RAET1E: variants seen among roughly 807,000 people sequenced by gnomAD.
RAET1E encodes retinoic acid early transcript 1E.
In RAET1E, 27 loss-of-function variants were observed where a neutral mutation model predicts 21.1. The ratio of observed to expected loss-of-function variants is 1.28; its 90% CI spans 0.94 to 1.76. The LOEUF (loss-of-function observed/expected upper bound fraction) is 1.76, where lower values mean the gene tolerates loss of function less well. RAET1E is among the 40% of genes most tolerant of loss of function. The pLI, the probability that RAET1E is intolerant of heterozygous loss-of-function variation, is 0.00. For synonymous variants in RAET1E, 113 were observed against 115.0 expected, an observed-to-expected ratio of 0.98 and a Z score of 0.11; for missense variants, 310 against 311.3, an observed-to-expected ratio of 1.00 and a Z score of 0.03.
chr6:149,892,065 T>A (rs1347562811), intron 2 of RAET1E, among the ~76,000 whole-genome samples: 2 of 152,256 alleles, frequency 1.3e-5, no homozygotes, highest in Non-Finnish European at 2.9e-5. Context: ...AACTCATCCC[T>A]TTTTATGGCT....
In RAET1E at chr6:149,884,367, G is replaced by A; in HGVS notation, c.*4131C>T. 1.1e-6 allele frequency: 1 copy of A among 929,778 alleles called. No homozygotes were observed. The highest frequency in any genetic ancestry group is 1.4e-5 in the South Asian group (1 of 69,928). 57.6% of individuals were successfully genotyped at this position (929,778 alleles called of 1,614,324 possible). A position where few individuals can be genotyped will look rare whatever the true frequency, so the allele number is the denominator to read the frequency against. ...TGCCAAGACTGGAATGCAGAGGCGC[G>A]ATCTCCGCTCATTGCAGGCTCCGCC... On this transcript the variant is annotated 3_prime_UTR_variant, in exon 6 of 6. Transcript: ENST00000357183.
At chr6:149,892,672 G>A (rs1464610757) in intron 2 of RAET1E, among the ~76,000 whole-genome samples, 1 of 152,194 alleles carries the variant, frequency 6.6e-6, no homozygotes, top group Non-Finnish European at 1.5e-5. Flanking sequence ...TCACTCTGAT[G>A]ATAGTTTCTT....
chr6:149,892,597 G>A (rs1439772442), intron 2 of RAET1E, among the ~76,000 whole-genome samples: 1 of 152,060 alleles, frequency 6.6e-6, no homozygotes, highest in African/African-American at 2.4e-5. Flanking sequence ...TGTAGATTCT[G>A]GATATTAGCC....
chr6:149,889,982 G>A lies in RAET1E; in HGVS notation c.249C>T (p.Ala83=). The change falls in exon 4 of 6, where the codon GCC becomes GCT. Residue 83 remains alanine, a synonymous_variant. Coordinates refer to ENST00000357183, the MANE Select transcript of RAET1E (RefSeq NM_001394057.1). ...GGGTCAATTCTCCCCAAGTGCTGGT[G>A]GCATATACCTTCTTCCCCAGGAGGC... The part of the protein sequence containing the change: ...PLGLLGKKVY[A]TSTWGELTQT... The A allele has an allele frequency of 6.2e-7, 1 of 1,614,086 alleles. No homozygotes were observed. Among genetic ancestry groups the A allele is most frequent in the Admixed American group, 1.7e-5 (1 of 60,004 alleles).
Position 149,888,576 on chromosome 6 carries a change from T to G in RAET1E, c.714A>C (p.Leu238Phe). The G allele has an allele frequency of 2.5e-6, 4 of 1,610,040 alleles. No individual in the cohort carries two copies. The highest frequency in any genetic ancestry group is 3.4e-6 in the Non-Finnish European group (4 of 1,179,512). Residue 238 changes from leucine (L) to phenylalanine (F), a missense_variant, in exon 6 of 6, where the codon TTA becomes TTC. Transcript: ENST00000357183. Reference sequence around the variant, plus strand: ...AGACACAGATGAGAACAATTCCCATTAAAACTAACAGGATGAATGCCCCCA... The same window carrying G: ...AGACACAGATGAGAACAATTCCCATGAAAACTAACAGGATGAATGCCCCCA... ...IILGAFILLVLMGIVLICVWW... is the reference protein window; with the variant it reads ...IILGAFILLVFMGIVLICVWW...
intron 2 of RAET1E, among the ~76,000 whole-genome samples, chr6:149,892,742 G>A (rs1456458556): frequency 1.3e-5 from 2 of 152,160 alleles, no homozygotes; most frequent in Non-Finnish European, 2.9e-5. Context: ...GGCTTTTGTT[G>A]CCAGTGCTTT....
chr6:149,892,314 A>G (rs1481311069), intron 2 of RAET1E, among the ~76,000 whole-genome samples: 1 of 152,028 alleles, frequency 6.6e-6, no homozygotes, highest in Admixed American at 6.6e-5. Flanking sequence ...ACTAATCTAC[A>G]CTCCCACCAA....
In RAET1E at chr6:149,884,569, T is replaced by C; in HGVS notation, c.*3929A>G. The stretch of plus-strand genomic sequence containing the variant: ...GATCAGCTCAGGATTGACCCCTCCG[T>C]GATCTCTCAGGACTCAGATCCCACC... On this transcript the variant is annotated 3_prime_UTR_variant, in exon 6 of 6. Transcript: ENST00000357183. 6.9e-7 allele frequency: 1 copy of C among 1,439,790 alleles called. No individual in the cohort carries two copies. The highest frequency in any genetic ancestry group is 9.4e-7 in the Non-Finnish European group (1 of 1,059,802). The allele number at this position is 1,439,790 out of a possible 1,614,324, so 89.2% of individuals were successfully genotyped here. A position where few individuals can be genotyped will look rare whatever the true frequency, so the allele number is the denominator to read the frequency against.
At chr6:149,889,222 C>T in intron 5 of RAET1E, 126 bp downstream of exon 5, 2 of 1,471,382 alleles carry the variant, frequency 1.4e-6, no homozygotes, top group Non-Finnish European at 1.8e-6. Flanking sequence ...ATCACTGACT[C>T]TCCAGACAGG....
chr6:149,889,777 T>A, intron 4 of RAET1E, 108 bp downstream of exon 4: 1 of 1,495,314 alleles, frequency 6.7e-7, no homozygotes, highest in Non-Finnish European at 9.1e-7. Context: ...CCTCTATGGT[T>A]GGGCCAATGA....
At chr6:149,889,078 A>G in intron 5 of RAET1E, 1 of 1,400,146 alleles carries the variant, frequency 7.1e-7, no homozygotes, top group East Asian at 2.6e-5. Context: ...GCAATGACAC[A>G]GATAGACTTG....
In RAET1E at chr6:149,884,082, C is replaced by G; in HGVS notation, c.*4416G>C. ...TCTGTTCTTTGCTTATCTCTCTTTT[C>G]TCCCTCACTTTTCTTCTCTCCCTCT... is the stretch of plus-strand genomic sequence containing the variant. On this transcript the variant is annotated 3_prime_UTR_variant, in exon 6 of 6. Transcript: ENST00000357183. 1 of 180,638 alleles carries G rather than the reference C, an allele frequency of 5.5e-6. No individual in the cohort carries two copies. The highest frequency in any genetic ancestry group is 1.2e-5 in the Non-Finnish European group (1 of 85,008). The allele number at this position is 180,638 out of a possible 1,614,324, so 11.2% of individuals were successfully genotyped here.
At chr6:149,888,785 A>C in intron 5 of RAET1E, 118 bp from the exon 6 acceptor site, 1 of 1,393,756 alleles carries the variant, frequency 7.2e-7, no homozygotes, top group Non-Finnish European at 9.5e-7. Flanking sequence ...GCCCCACATA[A>C]TCACTGGCTC....
Position 149,888,151 on chromosome 6 carries a change from C to T in RAET1E, c.*347G>A, listed in dbSNP as rs1217989839. ...TAAATGCTGCAGCCACAAGCGCCAC[C>T]AGCAAGTCTTCTCAGGGTGAACGGG... On this transcript the variant is annotated 3_prime_UTR_variant, in exon 6 of 6. Transcript: ENST00000357183. 1.8e-6 allele frequency: 1 copy of T among 552,252 alleles called. No homozygotes were observed. The highest frequency in any genetic ancestry group is 4.9e-5 in the East Asian group (1 of 20,584). The allele number at this position is 552,252 out of a possible 1,614,324, so 34.2% of individuals were successfully genotyped here.
Position 149,890,985 on chromosome 6 carries a change from G to A in RAET1E, c.-84C>T. 1 of 1,011,490 alleles carries A rather than the reference G, an allele frequency of 9.9e-7. No individual in the cohort carries two copies. The highest frequency in any genetic ancestry group is 2.5e-5 in the East Asian group (1 of 40,074). 62.7% of individuals were successfully genotyped at this position (1,011,490 alleles called of 1,614,324 possible). A position where few individuals can be genotyped will look rare whatever the true frequency, so the allele number is the denominator to read the frequency against. ...GTGAAGAAATGTTATCCAACAGCGTGGGTGTGGGCACTGCCCAAATTCTTT... is the reference window on the plus strand; with the variant it reads ...GTGAAGAAATGTTATCCAACAGCGTAGGTGTGGGCACTGCCCAAATTCTTT... On this transcript the variant is annotated 5_prime_UTR_variant, in exon 3 of 6. Transcript: ENST00000357183.
At chr6:149,888,710 ACATAAAAAAAAAAAG>A (rs768489496) in intron 5 of RAET1E, 43 bp from the exon 6 acceptor site, 1 of 1,504,408 alleles carries the variant, frequency 6.6e-7, no homozygotes, top group Non-Finnish European at 8.7e-7. Context: ...AAGCCCTGTC[ACATAAAAAAAAAAAG>A]CATAAAAATA....
chr6:149,897,640 C>A (rs1473053884), intron 1 of RAET1E, among the ~76,000 whole-genome samples: 1 of 152,078 alleles, frequency 6.6e-6, no homozygotes, highest in Non-Finnish European at 1.5e-5. Flanking sequence ...CTGTGGAAGC[C>A]TTGGCATAAG....
In RAET1E at chr6:149,888,603, G is replaced by T; in HGVS notation, c.687C>A (p.Ile229=). 6.2e-7 allele frequency: 1 copy of T among 1,607,566 alleles called. No homozygotes were observed. The highest frequency in any genetic ancestry group is 2.2e-5 in the East Asian group (1 of 44,512). The change falls in exon 6 of 6, where the codon ATC becomes ATA. Residue 229 remains isoleucine (I), a synonymous_variant. Transcript: ENST00000357183. The part of the protein sequence containing the change: ...SSSSLPDRWI[I]LGAFILLVLM... ...AAACTAACAGGATGAATGCCCCCAGGATGATCCATCTATCTGGTAGACTAG... is the reference window on the plus strand; with the variant it reads ...AAACTAACAGGATGAATGCCCCCAGTATGATCCATCTATCTGGTAGACTAG...
chr6:149,895,097 C>A (rs2114595106), intron 2 of RAET1E, among the ~76,000 whole-genome samples: 1 of 152,374 alleles, frequency 6.6e-6, no homozygotes, highest in South Asian at 2.1e-4. Flanking sequence ...GGCTGCAGAG[C>A]AGCTAAGATT....
Sources: allele counts gnomAD v4.1 joint callset (sites outside exome capture counted in the v4.1 genomes callset), GRCh38; gene constraint gnomAD v4.1.1; transcripts MANE v1.5; gene names NCBI Gene and HGNC (gene_info 2026-07-23, HGNC 2026-07-21).